ZNF385D: variants seen among roughly 807,000 people sequenced by gnomAD.
ZNF385D encodes the protein zinc finger protein 659.
A neutral mutation model predicts 35.8 loss-of-function variants in ZNF385D; 15 were observed. The observed-to-expected ratio is 0.42, with a 90% CI of 0.28 to 0.64. The LOEUF (loss-of-function observed/expected upper bound fraction) is 0.64. ZNF385D is among the 30% of genes least tolerant of loss of function. The probability of loss-of-function intolerance (pLI) is 0.23; values close to 1 mark genes in which losing one functional copy is unlikely to be tolerated. For missense variants in ZNF385D, 474 were observed against 494.6 expected (o/e 0.96, Z 0.39); for synonymous variants, 212 against 186.8 (o/e 1.13, Z -1.10).
intron 1 of ZNF385D, among the ~76,000 whole-genome samples, chr3:21,706,030 C>A (rs926855533): frequency 2.0e-5 from 3 of 152,176 alleles, no homozygotes; most frequent in African/African-American, 4.8e-5. Context: ...TCCCTGTACA[C>A]GACAGAACAT....
chr3:21,946,555 A>C (rs970560857), intron 3 of ZNF385D, among the ~76,000 whole-genome samples: 1 of 148,682 alleles, frequency 6.7e-6, no homozygotes, highest in Non-Finnish European at 1.5e-5. Context: ...TCTCAGGCCA[A>C]GCACAGTGGC....
intron 2 of ZNF385D, among the ~76,000 whole-genome samples, chr3:21,636,344 ATATATATGAT>A (rs1203230437): frequency 3.9e-4 from 55 of 139,934 alleles, no homozygotes; most frequent in African/African-American, 7.5e-4. Flanking sequence ...ATGATTTTAC[ATATATATGAT>A]TATATATGAT....
At chr3:21,661,015 A>C (rs1325470411) in intron 2 of ZNF385D, among the ~76,000 whole-genome samples, 2 of 152,188 alleles carry the variant, frequency 1.3e-5, no homozygotes, top group Non-Finnish European at 2.9e-5. Context: ...ATTAGACGCC[A>C]CTGAAAAGAA....
chr3:22,097,979 C>T (rs568045193), intron 3 of ZNF385D, among the ~76,000 whole-genome samples: 53 of 152,002 alleles, frequency 3.5e-4, no homozygotes, highest in African/African-American at 6.3e-4. Flanking sequence ...TAACCAATGA[C>T]GATTAAAAAC....
intron 3 of ZNF385D, among the ~76,000 whole-genome samples, chr3:22,161,719 T>C (rs1705964219): frequency 1.3e-5 from 2 of 152,186 alleles, no homozygotes; most frequent in African/African-American, 2.4e-5. Flanking sequence ...ACTATTTTAT[T>C]CGGCACAAAA....
chr3:21,787,472 A>G (rs3860586), intron 3 of ZNF385D, among the ~76,000 whole-genome samples: 46,630 of 151,828 alleles, frequency 0.31, 7,807 homozygotes, highest in East Asian at 0.71. Context: ...CTCCTTATCC[A>G]GATGCTAATA....
intron 3 of ZNF385D, among the ~76,000 whole-genome samples, chr3:21,561,607 A>G (rs2062949589): frequency 6.6e-6 from 1 of 152,150 alleles, no homozygotes; most frequent in Non-Finnish European, 1.5e-5. Context: ...CTTGCCAGCA[A>G]CTGGCCATTG....
chr3:21,759,000 A>AC lies in ZNF385D; in HGVS notation c.326-93973_326-93972insG, dbSNP rs1284428507. 2.0e-5 allele frequency among the ~76,000 whole-genome samples: 3 copies of AC among 149,490 alleles called. 1 individual carries two copies. Among genetic ancestry groups the AC allele is most frequent in the South Asian group, 4.2e-4 (2 of 4,732 alleles). ...CAAAAAAAAAAAAAAAAAAAAAAAA[A>AC]AAAAAACAGTGGTGATGCTATTGTA... On this transcript the variant is annotated intron_variant, in intron 3 of 5. Transcript: ENST00000494108.
At chr3:21,895,683 A>T (rs1209751757) in intron 3 of ZNF385D, among the ~76,000 whole-genome samples, 1 of 151,964 alleles carries the variant, frequency 6.6e-6, no homozygotes, top group Non-Finnish European at 1.5e-5. Flanking sequence ...CTTTGGGGAA[A>T]ATAAAGTATA....
At chr3:22,124,239 C>T (rs1049145755) in intron 3 of ZNF385D, among the ~76,000 whole-genome samples, 1 of 151,954 alleles carries the variant, frequency 6.6e-6, no homozygotes, top group South Asian at 2.1e-4. Context: ...TTCATCCATG[C>T]TGTTGCAAAT....
chr3:21,827,320 G>A (rs1200475586), intron 3 of ZNF385D, among the ~76,000 whole-genome samples: 3 of 152,032 alleles, frequency 2.0e-5, no homozygotes, highest in African/African-American at 4.8e-5. Flanking sequence ...TTATGGACAA[G>A]TATTCATAAA....
chr3:22,092,803 G>A (rs116253966), intron 3 of ZNF385D, among the ~76,000 whole-genome samples: 296 of 151,918 alleles, frequency 1.9e-3, no homozygotes, highest in African/African-American at 6.9e-3. Context: ...ACCTCTTACA[G>A]TTTTGATATT....
intron 1 of ZNF385D, among the ~76,000 whole-genome samples, chr3:21,695,067 G>C (rs2067423612): frequency 6.6e-6 from 1 of 152,116 alleles, no homozygotes; most frequent in South Asian, 2.1e-4. Flanking sequence ...TTGAAGATGA[G>C]ATATAAGGTA....
At chr3:21,500,748 G>T (rs886379982) in intron 4 of ZNF385D, among the ~76,000 whole-genome samples, 1 of 152,190 alleles carries the variant, frequency 6.6e-6, no homozygotes, top group Non-Finnish European at 1.5e-5. Context: ...TCACTAAAGA[G>T]TTCTGATGCT....
At chr3:21,906,033 T>C (rs1268667324) in intron 3 of ZNF385D, among the ~76,000 whole-genome samples, 1 of 152,212 alleles carries the variant, frequency 6.6e-6, no homozygotes, top group Non-Finnish European at 1.5e-5. Context: ...GAAGCAGTGC[T>C]GTATATTCAA....
intron 3 of ZNF385D, among the ~76,000 whole-genome samples, chr3:22,122,463 G>A (rs1703141395): frequency 6.6e-6 from 1 of 152,060 alleles, no homozygotes; most frequent in Non-Finnish European, 1.5e-5. Context: ...TATGAAAAAT[G>A]TATGTATTGA....
intron 2 of ZNF385D, among the ~76,000 whole-genome samples, chr3:21,651,462 T>C (rs1236742800): frequency 1.3e-5 from 2 of 152,040 alleles, no homozygotes; most frequent in Non-Finnish European, 2.9e-5. Flanking sequence ...CTAAATTATA[T>C]TGTGTGGAAA....
chr3:22,129,824 G>A (rs1017121996), intron 3 of ZNF385D, among the ~76,000 whole-genome samples: 1 of 152,098 alleles, frequency 6.6e-6, no homozygotes, highest in Non-Finnish European at 1.5e-5. Flanking sequence ...TTATTTTACT[G>A]TGGCTGACCA....
intron 3 of ZNF385D, among the ~76,000 whole-genome samples, chr3:21,892,551 C>G (rs1297049114): frequency 2.6e-5 from 4 of 152,104 alleles, no homozygotes; most frequent in African/African-American, 9.7e-5. Context: ...CATGACTTTT[C>G]TCAAAATACA....
Sources: allele counts gnomAD v4.1 joint callset (sites outside exome capture counted in the v4.1 genomes callset), GRCh38; gene constraint gnomAD v4.1.1; transcripts MANE v1.5; gene names NCBI Gene and HGNC (gene_info 2026-07-23, HGNC 2026-07-21).